Variants in FHOD3 observed in about 807,000 individuals in gnomAD.
The protein encoded by FHOD3 is formin homology 2 domain containing 3.
FHOD3 carries 90 observed loss-of-function variants against 173.0 expected under a neutral mutation model. The ratio of observed to expected loss-of-function variants is 0.52; its 90% CI spans 0.44 to 0.62. The LOEUF is 0.62. Among genes scored for constraint, FHOD3 ranks in the 20% least tolerant of loss-of-function variants. The pLI is 0.00. For missense variants in FHOD3, 1,945 were observed against 2,034.7 expected, an observed-to-expected ratio of 0.96 and a Z score of 0.85; for synonymous variants, 828 against 823.0, an observed-to-expected ratio of 1.01 and a Z score of -0.10.
At chr18:36,565,188 A>G (rs1443900921) in intron 5 of FHOD3, among the ~76,000 whole-genome samples, 1 of 152,214 alleles carries the variant, frequency 6.6e-6, no homozygotes, top group Non-Finnish European at 1.5e-5. Context: ...TCTTTTTAAT[A>G]CTTACTGCGG....
intron 3 of FHOD3, among the ~76,000 whole-genome samples, chr18:36,440,245 C>G (rs1386467582): frequency 6.6e-6 from 1 of 152,214 alleles, no homozygotes; most frequent in African/African-American, 2.4e-5. Flanking sequence ...GGGGAGCACT[C>G]AAGCTCGGGC....
At chr18:36,757,524 A>C (rs2042682222) in intron 25 of FHOD3, among the ~76,000 whole-genome samples, 1 of 152,198 alleles carries the variant, frequency 6.6e-6, no homozygotes, top group South Asian at 2.1e-4. Context: ...CAGACAGTAG[A>C]CTTAGAATCA....
chr18:36,670,778 G>T (rs1368305045), intron 14 of FHOD3, among the ~76,000 whole-genome samples: 1 of 152,102 alleles, frequency 6.6e-6, no homozygotes, highest in Non-Finnish European at 1.5e-5. Flanking sequence ...GCTGGGTGCT[G>T]GATGTGTTTG....
intron 3 of FHOD3, among the ~76,000 whole-genome samples, chr18:36,490,277 A>G (rs1158916699): frequency 6.6e-6 from 1 of 152,184 alleles, no homozygotes; most frequent in Non-Finnish European, 1.5e-5. Flanking sequence ...CAAAGGGACA[A>G]TTTTGGAAAT....
chr18:36,590,636 A>C (rs762919288), intron 6 of FHOD3, among the ~76,000 whole-genome samples: 1 of 152,212 alleles, frequency 6.6e-6, no homozygotes, highest in Non-Finnish European at 1.5e-5. Flanking sequence ...TAAACTCAGT[A>C]GAAGCCAAAT....
At chr18:36,779,382 G>A in intron 28 of FHOD3, 66 bp from the exon 29 acceptor site, 1 of 1,486,142 alleles carries the variant, frequency 6.7e-7, no homozygotes, top group Non-Finnish European at 9.4e-7. Context: ...TGACTGCCCT[G>A]TGCCTTGCTG....
At chr18:36,460,659 C>T (rs1166633650) in intron 3 of FHOD3, among the ~76,000 whole-genome samples, 1 of 152,194 alleles carries the variant, frequency 6.6e-6, no homozygotes. Flanking sequence ...AAGGCCCTGT[C>T]CCACTGCTGC....
intron 27 of FHOD3, among the ~76,000 whole-genome samples, chr18:36,766,648 G>A (rs1479863241): frequency 1.3e-5 from 2 of 152,200 alleles, no homozygotes; most frequent in African/African-American, 4.8e-5. Flanking sequence ...AGTAGAACCA[G>A]GAATGAAGTC....
intron 14 of FHOD3, among the ~76,000 whole-genome samples, chr18:36,665,822 G>T (rs2037144822): frequency 6.6e-6 from 1 of 152,246 alleles, no homozygotes; most frequent in Non-Finnish European, 1.5e-5. Flanking sequence ...ACGTAACACA[G>T]GAGATGCTGG....
chr18:36,511,361 T>TG (rs1333891167), intron 4 of FHOD3, among the ~76,000 whole-genome samples: 1 of 151,426 alleles, frequency 6.6e-6, no homozygotes, highest in East Asian at 1.9e-4. Flanking sequence ...GCCAATGTTT[T>TG]TTTTTTTCTT....
chr18:36,750,951 T>C (rs2042378667), intron 24 of FHOD3, among the ~76,000 whole-genome samples: 2 of 152,262 alleles, frequency 1.3e-5, no homozygotes, highest in African/African-American at 4.8e-5. Flanking sequence ...AGGATTGCCT[T>C]GGTAATCCAG....
At chr18:36,373,328 T>G (rs370676616) in intron 3 of FHOD3, among the ~76,000 whole-genome samples, 3 of 152,248 alleles carry the variant, frequency 2.0e-5, no homozygotes, top group Non-Finnish European at 4.4e-5. Context: ...TTTCACTTTA[T>G]GCCTAGAAGT....
At chr18:36,338,035 G>A (rs554878536) in intron 1 of FHOD3, among the ~76,000 whole-genome samples, 1 of 152,324 alleles carries the variant, frequency 6.6e-6, no homozygotes, top group East Asian at 1.9e-4. Context: ...TGGTCACAGA[G>A]TTAATGAATT....
At chr18:36,431,100 G>A (rs2050525141) in intron 3 of FHOD3, among the ~76,000 whole-genome samples, 2 of 152,184 alleles carry the variant, frequency 1.3e-5, no homozygotes, top group Non-Finnish European at 2.9e-5. Context: ...AAGGCTAAAC[G>A]TAATGGAAAT....
chr18:36,660,519 G>C (rs1050595726), intron 14 of FHOD3, among the ~76,000 whole-genome samples: 1 of 152,270 alleles, frequency 6.6e-6, no homozygotes, highest in African/African-American at 2.4e-5. Context: ...GGCACTGGCT[G>C]TGGGACTTGC....
intron 1 of FHOD3, among the ~76,000 whole-genome samples, chr18:36,304,884 G>A (rs543817949): frequency 6.6e-6 from 1 of 152,336 alleles, no homozygotes; most frequent in Admixed American, 6.5e-5. Flanking sequence ...TGATGCCCAT[G>A]ACATGCCTGC....
intron 10 of FHOD3, among the ~76,000 whole-genome samples, chr18:36,640,444 T>G (rs910677372): frequency 6.6e-6 from 1 of 152,188 alleles, no homozygotes; most frequent in Admixed American, 6.5e-5. Flanking sequence ...AGCCTTAAAG[T>G]TAACAGAAAG....
intron 7 of FHOD3, among the ~76,000 whole-genome samples, chr18:36,600,282 CACACACAT>C (rs1011222037): frequency 3.3e-5 from 5 of 151,400 alleles, no homozygotes; most frequent in Non-Finnish European, 5.9e-5. Flanking sequence ...CACACACACA[CACACACAT>C]ATGCACACAT....
chr18:36,506,868 C>T (rs2055330352), intron 4 of FHOD3, among the ~76,000 whole-genome samples: 2 of 152,164 alleles, frequency 1.3e-5, no homozygotes, highest in South Asian at 4.1e-4. Context: ...ACATTAAAAG[C>T]CCATCCAGAA....
Sources: allele counts gnomAD v4.1 joint callset (sites outside exome capture counted in the v4.1 genomes callset), GRCh38; gene constraint gnomAD v4.1.1; transcripts MANE v1.5; gene names NCBI Gene and HGNC (gene_info 2026-07-23, HGNC 2026-07-21).